The following RBFOX1 variants were observed in gnomAD, a reference collection of about 807,000 sequenced individuals.
RBFOX1 encodes RNA binding fox-1 homolog 1, also known as RNA binding protein fox-1 homolog 1.
Under a neutral mutation model 57.7 loss-of-function variants are expected in RBFOX1, and 8 were observed. The observed-to-expected ratio is 0.14, with a 90% confidence interval of 0.08 to 0.25. RBFOX1 has a LOEUF of 0.25. RBFOX1 is among the 10% of genes least tolerant of loss of function. The probability of loss-of-function intolerance (pLI) is 1.00; values close to 1 mark genes in which losing one functional copy is unlikely to be tolerated. For missense variants in RBFOX1, 611 were observed against 548.5 expected (o/e 1.11, Z -1.14); for synonymous variants, 326 against 222.4 (o/e 1.47, Z -4.15).
chr16:6,800,015 G>C (rs887957089), intron 3 of RBFOX1, among the ~76,000 whole-genome samples: 2 of 152,058 alleles, frequency 1.3e-5, no homozygotes, highest in African/African-American at 4.8e-5. Flanking sequence ...TATTAGTTCT[G>C]TCCCTCTGGA....
intron 4 of RBFOX1, among the ~76,000 whole-genome samples, chr16:7,219,813 C>T (rs924004395): frequency 6.6e-6 from 1 of 152,290 alleles, no homozygotes; most frequent in South Asian, 2.1e-4. Flanking sequence ...GATATGAAAG[C>T]ATGACCTTCC....
intron 2 of RBFOX1, among the ~76,000 whole-genome samples, chr16:6,374,724 C>A (rs763768102): frequency 2.2e-4 from 33 of 152,264 alleles, no homozygotes; most frequent in Admixed American, 1.8e-3. Context: ...ACTGTTATTG[C>A]CACTGGCTGG....
At chr16:5,514,061 A>T (rs548843552) in intron 2 of RBFOX1, among the ~76,000 whole-genome samples, 2 of 152,190 alleles carry the variant, frequency 1.3e-5, no homozygotes, top group Non-Finnish European at 2.9e-5. Context: ...CTATCAATTC[A>T]TATGGATATG....
chr16:5,941,728 C>T (rs534624633), intron 4 of RBFOX1, among the ~76,000 whole-genome samples: 12 of 151,770 alleles, frequency 7.9e-5, no homozygotes, highest in Admixed American at 6.6e-4. Context: ...TTTTTCCATA[C>T]AGAGGTTGAA....
chr16:7,332,173 G>C (rs747698325), intron 4 of RBFOX1, among the ~76,000 whole-genome samples: 1 of 152,178 alleles, frequency 6.6e-6, no homozygotes, highest in Admixed American at 6.5e-5. Flanking sequence ...TTGTAGCTTC[G>C]CACTGCCTTG....
intron 3 of RBFOX1, among the ~76,000 whole-genome samples, chr16:6,835,500 C>G (rs772449390): frequency 2.6e-5 from 4 of 151,884 alleles, no homozygotes; most frequent in African/African-American, 9.7e-5. Flanking sequence ...GCCTGCAATC[C>G]CAGCACTTTG....
intron 1 of RBFOX1, among the ~76,000 whole-genome samples, chr16:5,297,843 C>A (rs1033268485): frequency 6.6e-6 from 1 of 152,212 alleles, no homozygotes; most frequent in African/African-American, 2.4e-5. Context: ...CATTATGAAA[C>A]ACTTATTCCC....
In RBFOX1 at chr16:6,487,673, TAAAAAAA is replaced by T. The variant is rs777856402; in HGVS notation, c.-63-166908_-63-166902del. Among the ~76,000 whole-genome samples the T allele has an allele frequency of 2.1e-3, 82 of 38,704 alleles. 2 individuals carry two copies. The highest frequency in any genetic ancestry group is 0.02 in the Middle Eastern group (1 of 50). 25.4% of individuals were successfully genotyped at this position (38,704 alleles called of 152,430 possible). A position where few individuals can be genotyped will look rare whatever the true frequency, so the allele number is the denominator to read the frequency against. Reference sequence around the variant, plus strand: ...CTTCCAAAGATGGCAGTGATATATGTAAAAAAAAAAAAAAAAAAAAAAAAAAAATATA... The same window carrying T: ...CTTCCAAAGATGGCAGTGATATATGTAAAAAAAAAAAAAAAAAAAAATATA... On this transcript the variant is annotated intron_variant, in intron 2 of 15. Transcript: ENST00000550418.
chr16:5,728,603 C>T (rs955592788), intron 3 of RBFOX1, among the ~76,000 whole-genome samples: 28 of 152,156 alleles, frequency 1.8e-4, no homozygotes, highest in African/African-American at 6.0e-4. Flanking sequence ...TTTATCTTCT[C>T]TGATTGTCAC....
intron 4 of RBFOX1, among the ~76,000 whole-genome samples, chr16:7,423,582 A>G (rs1316722035): frequency 1.3e-5 from 2 of 152,068 alleles, no homozygotes; most frequent in African/African-American, 4.8e-5. Context: ...ACACTACTGG[A>G]AAGGAGAGTT....
chr16:5,903,939 A>T (rs2058375638), intron 4 of RBFOX1, among the ~76,000 whole-genome samples: 1 of 152,154 alleles, frequency 6.6e-6, no homozygotes, highest in African/African-American at 2.4e-5. Flanking sequence ...TGGTGGAGGC[A>T]CGTTTTCCTC....
At chr16:5,557,061 C>T (rs1303855677) in intron 2 of RBFOX1, among the ~76,000 whole-genome samples, 1 of 152,040 alleles carries the variant, frequency 6.6e-6, no homozygotes, top group Non-Finnish European at 1.5e-5. Flanking sequence ...AGATCAAGGC[C>T]ATCCTAGTTA....
intron 4 of RBFOX1, among the ~76,000 whole-genome samples, chr16:5,903,680 T>G (rs1408825823): frequency 6.6e-6 from 1 of 152,014 alleles, no homozygotes; most frequent in Non-Finnish European, 1.5e-5. Flanking sequence ...AATAGTAAAA[T>G]TTATGCTTGG....
At chr16:7,040,002 T>TTTATTATTA (rs34770685) in intron 3 of RBFOX1, among the ~76,000 whole-genome samples, 66 of 148,710 alleles carry the variant, frequency 4.4e-4, no homozygotes, top group Admixed American at 3.2e-3. Context: ...GGGGAGTTAT[T>TTTATTATTA]TTATTATTAT....
intron 2 of RBFOX1, among the ~76,000 whole-genome samples, chr16:6,536,168 C>G (rs978925311): frequency 1.3e-5 from 2 of 152,176 alleles, no homozygotes; most frequent in African/African-American, 4.8e-5. Flanking sequence ...CATCACAAGA[C>G]TACAGTCTAC....
chr16:7,134,455 A>T (rs1223596929), intron 4 of RBFOX1, among the ~76,000 whole-genome samples: 1 of 152,172 alleles, frequency 6.6e-6, no homozygotes, highest in Admixed American at 6.5e-5. Context: ...ATATGTTTTC[A>T]TGCATTTTCC....
At chr16:6,644,501 G>C (rs1384598252) in intron 2 of RBFOX1, among the ~76,000 whole-genome samples, 1 of 152,170 alleles carries the variant, frequency 6.6e-6, no homozygotes, top group East Asian at 1.9e-4. Flanking sequence ...ATGAACCTTT[G>C]ACTGTGTCTC....
intron 1 of RBFOX1, among the ~76,000 whole-genome samples, chr16:6,311,458 G>A (rs1008444182): frequency 6.6e-6 from 1 of 152,122 alleles, no homozygotes; most frequent in Non-Finnish European, 1.5e-5. Flanking sequence ...GGAAGCAAAA[G>A]GAGATGATGT....
rs758511028 is a variant in RBFOX1 at position 7,001,325 on chromosome 16, T to A, written c.-15-50732T>A. 1.6e-4 allele frequency among the ~76,000 whole-genome samples: 25 copies of A among 152,180 alleles called. 1 individual carries two copies. Among genetic ancestry groups the A allele is most frequent in the East Asian group, 3.9e-4 (2 of 5,174 alleles). ...GGTGTTCCTGGTCAACTTATGTATT[T>A]CCTACCCTGGCCCTGACTCTGTGTG... On this transcript the variant is annotated intron_variant, in intron 3 of 15. Coordinates refer to ENST00000550418, the MANE Select transcript of RBFOX1 (RefSeq NM_018723.4).
Sources: gnomAD v4.1 joint callset for allele counts (sites outside exome capture counted in the v4.1 genomes callset) on GRCh38, gnomAD v4.1.1 for gene constraint, MANE v1.5 for transcripts, NCBI Gene and HGNC (gene_info 2026-07-23, HGNC 2026-07-21) for gene names.